The following SMARCC1 variants were observed in gnomAD, a reference collection of about 807,000 sequenced individuals.
The protein encoded by SMARCC1 is SWI/SNF complex subunit SMARCC1.
A neutral mutation model predicts 147.4 loss-of-function variants in SMARCC1; 43 were observed. That is an observed-to-expected ratio of 0.29 (90% CI 0.23 to 0.38). The LOEUF (loss-of-function observed/expected upper bound fraction) is 0.38. SMARCC1 is among the 10% of genes least tolerant of loss of function. The pLI is 1.00. For missense variants in SMARCC1, 1,119 were observed against 1,381.1 expected, an observed-to-expected ratio of 0.81 and a Z score of 3.01; for synonymous variants, 495 against 484.4, an observed-to-expected ratio of 1.02 and a Z score of -0.29.
At chr3:47,672,366 C>T (rs1025871431) in intron 18 of SMARCC1, among the ~76,000 whole-genome samples, 7 of 152,192 alleles carry the variant, frequency 4.6e-5, no homozygotes, top group East Asian at 3.9e-4. Context: ...CCAACACGCC[C>T]GGCTAATTTT....
chr3:47,717,518 TATCA>T lies in SMARCC1; in HGVS notation c.717-3032_717-3029del, dbSNP rs1365336530. ...TTATCTAAATTCTAATTCAAACAAC[TATCA>T]ATCAATCAATCGTGTCATTTAATTG... On this transcript the variant is annotated intron_variant, in intron 7 of 27. Coordinates refer to ENST00000254480, the MANE Select transcript of SMARCC1 (RefSeq NM_003074.4). Among the ~76,000 whole-genome samples, 14 of 152,224 alleles carry T rather than the reference TATCA, an allele frequency of 9.2e-5. No homozygotes were observed. In the East Asian group the frequency reaches 1.7e-3, roughly 19 times the overall value.
chr3:47,685,323 C>T (rs1472143082), intron 14 of SMARCC1, among the ~76,000 whole-genome samples: 1 of 152,080 alleles, frequency 6.6e-6, no homozygotes, highest in African/African-American at 2.4e-5. Flanking sequence ...TAACACACAA[C>T]GGAAAATTAT....
chr3:47,689,045 C>CA (rs1383948382), intron 13 of SMARCC1, among the ~76,000 whole-genome samples: 1 of 151,702 alleles, frequency 6.6e-6, no homozygotes, highest in Admixed American at 6.6e-5. Context: ...TCCATCTCTA[C>CA]AAAAAATAAA....
intron 22 of SMARCC1, among the ~76,000 whole-genome samples, chr3:47,636,373 CCT>C (rs1329128326): frequency 6.6e-6 from 1 of 152,192 alleles, no homozygotes; most frequent in Non-Finnish European, 1.5e-5. Flanking sequence ...GAGTCGCTGC[CCT>C]CTCTGCATAC....
chr3:47,663,208 AGGGG>A (rs2033373770), intron 19 of SMARCC1, among the ~76,000 whole-genome samples: 3 of 17,412 alleles, frequency 1.7e-4, no homozygotes, highest in African/African-American at 6.7e-4. Context: ...TGGGGAGGGG[AGGGG>A]AGGAAGGAAG....
At chr3:47,733,352 A>C (rs1425308909) in intron 5 of SMARCC1, among the ~76,000 whole-genome samples, 1 of 149,482 alleles carries the variant, frequency 6.7e-6, no homozygotes, top group Admixed American at 6.7e-5. Context: ...CCGAGGTAGC[A>C]GGGGGAATCT....
chr3:47,742,077 G>A (rs1399607576), intron 3 of SMARCC1, among the ~76,000 whole-genome samples: 1 of 151,892 alleles, frequency 6.6e-6, no homozygotes, highest in Non-Finnish European at 1.5e-5. Context: ...TTTCCTTTTA[G>A]AAGTTTGCTT....
chr3:47,655,014 A>T (rs182937950), intron 21 of SMARCC1, among the ~76,000 whole-genome samples: 1 of 152,362 alleles, frequency 6.6e-6, no homozygotes, highest in Non-Finnish European at 1.5e-5. Context: ...AAGCAAAATG[A>T]GATGGCTAGA....
At chr3:47,760,859 G>A (rs2034765231) in intron 2 of SMARCC1, among the ~76,000 whole-genome samples, 2 of 152,030 alleles carry the variant, frequency 1.3e-5, no homozygotes, top group South Asian at 2.1e-4. Flanking sequence ...TTGGCCAGGT[G>A]CTGTGGCTCA....
At chr3:47,694,292 A>G (rs1387316291) in intron 11 of SMARCC1, among the ~76,000 whole-genome samples, 1 of 152,226 alleles carries the variant, frequency 6.6e-6, no homozygotes, top group East Asian at 1.9e-4. Context: ...AGAGGTACAC[A>G]TTTTAAAATT....
intron 21 of SMARCC1, among the ~76,000 whole-genome samples, chr3:47,639,441 T>G (rs1311112310): frequency 6.6e-6 from 1 of 152,160 alleles, no homozygotes; most frequent in African/African-American, 2.4e-5. Context: ...CAGCCAGGCA[T>G]GGCCGCTCAT....
chr3:47,721,084 C>T (rs1258556980), intron 6 of SMARCC1, among the ~76,000 whole-genome samples: 1 of 152,134 alleles, frequency 6.6e-6, no homozygotes, highest in Non-Finnish European at 1.5e-5. Context: ...TTTCACTTCC[C>T]ATGGTGAACC....
intron 15 of SMARCC1, among the ~76,000 whole-genome samples, chr3:47,678,774 T>C (rs1017568200): frequency 6.6e-6 from 1 of 152,084 alleles, no homozygotes. Context: ...AAACACTGAG[T>C]TGTTAGAGAA....
chr3:47,674,202 T>C (rs2033540173), intron 18 of SMARCC1, among the ~76,000 whole-genome samples: 1 of 152,242 alleles, frequency 6.6e-6, no homozygotes. Flanking sequence ...ACAACCTGTA[T>C]TACTTTATAT....
intron 19 of SMARCC1, 27 bp from the exon 20 acceptor site, chr3:47,662,619 A>G: frequency 6.3e-7 from 1 of 1,599,662 alleles, no homozygotes; most frequent in Non-Finnish European, 8.5e-7. Flanking sequence ...AGATGCTTTC[A>G]TGTCAGGTAA....
chr3:47,779,718 T>G (rs1352315622), intron 1 of SMARCC1, among the ~76,000 whole-genome samples: 2 of 152,212 alleles, frequency 1.3e-5, no homozygotes, highest in Non-Finnish European at 2.9e-5. Context: ...CCCAAACTGA[T>G]GCACACTGAA....
chr3:47,697,786 T>G, intron 11 of SMARCC1, among the ~76,000 whole-genome samples: 1 of 151,258 alleles, frequency 6.6e-6, no homozygotes, highest in East Asian at 2.0e-4. Context: ...GGCGGGCGGA[T>G]CATGAGGTCA....
At chr3:47,751,197 C>T (rs768522529) in intron 2 of SMARCC1, among the ~76,000 whole-genome samples, 33 of 151,888 alleles carry the variant, frequency 2.2e-4, no homozygotes, top group Non-Finnish European at 4.1e-4. Flanking sequence ...CGCGCCTGGC[C>T]GACAAAGTAA....
At chr3:47,762,684 G>A (rs1488841483) in intron 2 of SMARCC1, among the ~76,000 whole-genome samples, 1 of 152,222 alleles carries the variant, frequency 6.6e-6, no homozygotes, top group East Asian at 1.9e-4. Flanking sequence ...CACTTTGGGA[G>A]GCCGAGATGG....
Sources: gnomAD v4.1 joint callset for allele counts (sites outside exome capture counted in the v4.1 genomes callset) on GRCh38, gnomAD v4.1.1 for gene constraint, MANE v1.5 for transcripts, NCBI Gene and HGNC (gene_info 2026-07-23, HGNC 2026-07-21) for gene names.